The following USP15 variants were observed in gnomAD, a reference collection of about 807,000 sequenced individuals.
USP15 encodes ubiquitin specific peptidase 15, also known as ubiquitin carboxyl-terminal hydrolase 15.
In USP15, 18 loss-of-function variants were observed where a neutral mutation model predicts 127.1. The observed-to-expected ratio is 0.14, with a 90% CI of 0.10 to 0.21. The LOEUF (loss-of-function observed/expected upper bound fraction) is 0.21, where lower values mean the gene tolerates loss of function less well. USP15 is among the 10% of genes least tolerant of loss of function. The probability of loss-of-function intolerance (pLI) is 1.00; values close to 1 mark genes in which losing one functional copy is unlikely to be tolerated. For synonymous variants in USP15, 364 were observed against 393.7 expected (o/e 0.92, Z 0.89); for missense variants, 805 against 1,159.9 (o/e 0.69, Z 4.44).
chr12:62,376,799 C>T (rs1383286676), intron 8 of USP15, among the ~76,000 whole-genome samples: 3 of 152,028 alleles, frequency 2.0e-5, no homozygotes, highest in Non-Finnish European at 4.4e-5. Flanking sequence ...AACACATATC[C>T]GATTTTTAGT....
At chr12:62,326,120 T>G (rs1238178700) in intron 6 of USP15, among the ~76,000 whole-genome samples, 187 bp downstream of exon 6, 2 of 152,192 alleles carry the variant, frequency 1.3e-5, no homozygotes, top group Admixed American at 6.5e-5. Flanking sequence ...GTTACTATTT[T>G]AAAAGCCTCC....
intron 7 of USP15, among the ~76,000 whole-genome samples, chr12:62,353,173 AATTG>A (rs1279081884): frequency 6.6e-6 from 1 of 152,096 alleles, no homozygotes; most frequent in Non-Finnish European, 1.5e-5. Flanking sequence ...AAGTATCTTA[AATTG>A]ATTGATTTTC....
intron 19 of USP15, among the ~76,000 whole-genome samples, chr12:62,394,473 G>A (rs1294041445): frequency 3.3e-5 from 5 of 152,176 alleles, no homozygotes; most frequent in Admixed American, 6.5e-5. Flanking sequence ...TAATTATTGA[G>A]TGAAAAAAAG....
chr12:62,275,796 T>C (rs2137069925), intron 1 of USP15, among the ~76,000 whole-genome samples: 1 of 152,172 alleles, frequency 6.6e-6, no homozygotes, highest in African/African-American at 2.4e-5. Flanking sequence ...CAGGTAAGAT[T>C]CAGGTGTGAT....
rs1158478905 is a variant in USP15 at position 62,390,080 on chromosome 12, A to T, written c.1844+92A>T. 20 of 1,246,026 alleles carry T rather than the reference A, an allele frequency of 1.6e-5. No homozygotes were observed. In the East Asian group the frequency reaches 4.9e-4, roughly 30 times the overall value. 77.2% of individuals were successfully genotyped at this position (1,246,026 alleles called of 1,614,324 possible). On this transcript the variant is annotated intron_variant, in intron 14 of 21. Coordinates refer to ENST00000280377, the MANE Select transcript of USP15 (RefSeq NM_001252078.2). ...AATAAACACATAAGGTACTATTGGA[A>T]TATAATTATTCAAGTCTGTATTATC...
At chr12:62,361,162 T>G (rs1228728471) in intron 8 of USP15, among the ~76,000 whole-genome samples, 2 of 152,072 alleles carry the variant, frequency 1.3e-5, no homozygotes, top group Non-Finnish European at 2.9e-5. Flanking sequence ...TGTAAAAATT[T>G]AGTGTTCACA....
At position 62,313,908 on chromosome 12, in the gene USP15, G is replaced by A. The variant is rs969028283; in HGVS notation, c.349-882G>A. ...CTCTTTTGAATTGATGTAAGCTTGT[G>A]AGTATATCCCAACGGTCATTTGGAG... On this transcript the variant is annotated intron_variant, in intron 3 of 21. Transcript: ENST00000280377. 6.1e-5 allele frequency: 16 copies of A among 260,842 alleles called. 1 individual carries two copies. The highest frequency in any genetic ancestry group is 1.2e-5 in the Non-Finnish European group (2 of 167,468). 16.2% of individuals were successfully genotyped at this position (260,842 alleles called of 1,614,324 possible).
chr12:62,357,469 C>T (rs2066167143), intron 8 of USP15, among the ~76,000 whole-genome samples: 1 of 152,102 alleles, frequency 6.6e-6, no homozygotes, highest in Non-Finnish European at 1.5e-5. Context: ...CTATTGCAGA[C>T]ACTCCTAATA....
rs1436751151 is a variant in USP15, at chr12:62,336,656, A to G, written c.683+10723A>G. On this transcript the variant is annotated intron_variant, in intron 6 of 21. Transcript: ENST00000280377. ...CATGAATAACACTTTTATGAAAATA[A>G]CTATATTCCAAAACAATAAAATTAC... The G allele has an allele frequency of 1.2e-5, 4 of 321,500 alleles. No homozygotes were observed. In the Admixed American group the frequency reaches 2.6e-4, roughly 21 times the overall value. The allele number at this position is 321,500 out of a possible 1,614,324, so 19.9% of individuals were successfully genotyped here.
At chr12:62,367,376 C>T (rs545334706) in intron 8 of USP15, among the ~76,000 whole-genome samples, 7 of 152,132 alleles carry the variant, frequency 4.6e-5, no homozygotes, top group South Asian at 2.1e-4. Context: ...GGACTCCAGG[C>T]GCCCGCCACC....
intron 8 of USP15, chr12:62,374,320 A>G (rs2066760939): frequency 1.1e-6 from 1 of 934,188 alleles, no homozygotes; most frequent in South Asian, 4.9e-5. Flanking sequence ...TTGATTAGTT[A>G]TAGAATGAGT....
At chr12:62,392,516 A>G (rs2067356039) in intron 18 of USP15, 129 bp downstream of exon 18, 4 of 663,936 alleles carry the variant, frequency 6.0e-6, no homozygotes, top group South Asian at 2.3e-5. Context: ...GATTCTTTAT[A>G]TAAGTTGTAG....
Position 62,409,646 on chromosome 12 carries a change from G to A in USP15, c.*5271G>A, listed in dbSNP as rs1214737663. The stretch of plus-strand genomic sequence containing the variant: ...AAACAAAACAGTTTTTATCTGCTGT[G>A]ACATTTAAGTTTGTTGTTAGCTGGA... On this transcript the variant is annotated 3_prime_UTR_variant, in exon 22 of 22. Transcript: ENST00000280377. The A allele has an allele frequency of 6.6e-6, 1 of 152,004 alleles. No individual in the cohort carries two copies. The highest frequency in any genetic ancestry group is 1.5e-5 in the Non-Finnish European group (1 of 67,970). The allele number at this position is 152,004 out of a possible 1,614,324, so 9.4% of individuals were successfully genotyped here.
intron 6 of USP15, among the ~76,000 whole-genome samples, chr12:62,344,986 G>T (rs1021264644): frequency 6.6e-6 from 1 of 152,238 alleles, no homozygotes; most frequent in Non-Finnish European, 1.5e-5. Context: ...CCTGTGATGG[G>T]AGGGGCTGCT....
At chr12:62,321,320 G>T in intron 4 of USP15, 144 bp from the exon 5 acceptor site, 2 of 509,210 alleles carry the variant, frequency 3.9e-6, no homozygotes, top group East Asian at 3.6e-5. Flanking sequence ...CCTTTTGTTG[G>T]TTTGTGTTTT....
chr12:62,366,561 G>T (rs1227848393), intron 8 of USP15, among the ~76,000 whole-genome samples: 1 of 152,058 alleles, frequency 6.6e-6, no homozygotes, highest in Non-Finnish European at 1.5e-5. Context: ...TTGCCTAGTT[G>T]CCCTGGCCAG....
intron 1 of USP15, among the ~76,000 whole-genome samples, chr12:62,271,417 G>GT (rs1224103219): frequency 6.6e-6 from 1 of 151,932 alleles, no homozygotes; most frequent in East Asian, 1.9e-4. Flanking sequence ...TTAGGTGCTT[G>GT]TTTTGATGGT....
intron 3 of USP15, among the ~76,000 whole-genome samples, chr12:62,309,128 T>C (rs1018574248): frequency 1.3e-5 from 2 of 150,960 alleles, no homozygotes; most frequent in African/African-American, 2.5e-5. Flanking sequence ...TGAACAAAAT[T>C]CAGTCATTGT....
chr12:62,300,813 C>T (rs1018559435), intron 2 of USP15, among the ~76,000 whole-genome samples: 3 of 151,952 alleles, frequency 2.0e-5, no homozygotes, highest in Non-Finnish European at 2.9e-5. Flanking sequence ...AAAGTCTTTG[C>T]GATGTTGTAT....
Sources: gnomAD v4.1 joint callset for allele counts (sites outside exome capture counted in the v4.1 genomes callset) on GRCh38, gnomAD v4.1.1 for gene constraint, MANE v1.5 for transcripts, NCBI Gene and HGNC (gene_info 2026-07-23, HGNC 2026-07-21) for gene names.